The following WBP1L variants were observed in gnomAD, a reference collection of about 807,000 sequenced individuals.
WBP1L encodes the protein WW domain binding protein 1-like.
Under a neutral mutation model 33.7 loss-of-function variants are expected in WBP1L, and 17 were observed. That is an observed-to-expected ratio of 0.50 (90% CI 0.34 to 0.76). The LOEUF (loss-of-function observed/expected upper bound fraction) is 0.76. WBP1L is among the 30% of genes least tolerant of loss of function. WBP1L has a pLI of 0.01. For synonymous variants in WBP1L, 173 were observed against 190.8 expected (o/e 0.91, Z 0.77); for missense variants, 389 against 469.4 (o/e 0.83, Z 1.58).
rs539324809 is a variant in WBP1L, at chr10:102,758,165, G to A, written c.90+14022G>A. Among the ~76,000 whole-genome samples, 4 of 151,908 alleles carry A rather than the reference G, an allele frequency of 2.6e-5. No homozygotes were observed. The South Asian group carries it at 8.3e-4, about 32-fold the overall frequency. On this transcript the variant is annotated intron_variant, in intron 1 of 3. Transcript: ENST00000448841. ...CTCCCAAAGTACTGGGATTACAGGC[G>A]TGAGCCACCATGCACAGCCCTTTTT...
intron 1 of WBP1L, among the ~76,000 whole-genome samples, chr10:102,791,317 A>G (rs1843494202): frequency 6.6e-6 from 1 of 151,880 alleles, no homozygotes; most frequent in East Asian, 1.9e-4. Flanking sequence ...CCAGGGTTTT[A>G]TAGCAGAATA....
At chr10:102,782,722 A>T (rs1351115017) in intron 1 of WBP1L, among the ~76,000 whole-genome samples, 1 of 152,038 alleles carries the variant, frequency 6.6e-6, no homozygotes, top group Admixed American at 6.6e-5. Flanking sequence ...AGAGGCTTCT[A>T]TTGCTGGTTG....
chr10:102,784,421 C>CTTTTTT (rs35898015), intron 1 of WBP1L, among the ~76,000 whole-genome samples: 81 of 97,774 alleles, frequency 8.3e-4, no homozygotes, highest in Non-Finnish European at 1.0e-3. Context: ...GTTCTTGTTT[C>CTTTTTT]TTTTTTTTTT....
Position 102,780,808 on chromosome 10 carries a change from G to T in WBP1L, c.91-17185G>T, listed in dbSNP as rs674816. 4.4e-3 allele frequency among the ~76,000 whole-genome samples: 671 copies of T among 152,132 alleles called. 4 individuals are homozygous for T. The highest frequency in any genetic ancestry group is 8.1e-3 in the Non-Finnish European group (550 of 67,976). Reference sequence around the variant, plus strand: ...CAGTAGTATCAGTTGTTGCACTATAGGTGCTAGGTGTGTGGAAGGACCAGT... The same window carrying T: ...CAGTAGTATCAGTTGTTGCACTATATGTGCTAGGTGTGTGGAAGGACCAGT... On this transcript the variant is annotated intron_variant, in intron 1 of 3. Transcript: ENST00000448841.
intron 1 of WBP1L, among the ~76,000 whole-genome samples, chr10:102,755,767 C>T (rs1392252400): frequency 2.7e-5 from 4 of 150,298 alleles, no homozygotes; most frequent in Admixed American, 6.7e-5. Context: ...AAATGTTGGC[C>T]GGGCGCGGTG....
chr10:102,771,274 C>T (rs1037577143), intron 1 of WBP1L, among the ~76,000 whole-genome samples: 2 of 152,090 alleles, frequency 1.3e-5, no homozygotes, highest in Non-Finnish European at 2.9e-5. Flanking sequence ...TAAATTAATC[C>T]GGTACGGCAC....
At chr10:102,744,715 A>G (rs1029273891) in intron 1 of WBP1L, among the ~76,000 whole-genome samples, 6 of 152,186 alleles carry the variant, frequency 3.9e-5, no homozygotes, top group African/African-American at 1.4e-4. Context: ...GGCAGGTGGG[A>G]TGAAACAGAG....
At chr10:102,808,641 C>T (rs1203084077) in intron 2 of WBP1L, among the ~76,000 whole-genome samples, 3 of 152,164 alleles carry the variant, frequency 2.0e-5, no homozygotes, top group South Asian at 2.1e-4. Context: ...AGGATTATGT[C>T]GAGAGCAGAG....
chr10:102,766,704 G>T (rs1372673281), intron 1 of WBP1L, among the ~76,000 whole-genome samples: 1 of 151,260 alleles, frequency 6.6e-6, no homozygotes, highest in Admixed American at 6.6e-5. Context: ...ATGGTGGCAC[G>T]AGCCTGTAGT....
At chr10:102,745,873 A>T (rs1032595229) in intron 1 of WBP1L, among the ~76,000 whole-genome samples, 1 of 151,996 alleles carries the variant, frequency 6.6e-6, no homozygotes, top group African/African-American at 2.4e-5. Flanking sequence ...GAAGAAATAT[A>T]TTTTTTTTGT....
chr10:102,802,064 C>T (rs1325960351), intron 2 of WBP1L, among the ~76,000 whole-genome samples: 1 of 86,116 alleles, frequency 1.2e-5, no homozygotes, highest in Admixed American at 1.2e-4. Flanking sequence ...CCTCCCCTAC[C>T]CTTCCCCCAG....
intron 2 of WBP1L, among the ~76,000 whole-genome samples, chr10:102,807,030 C>A (rs1433935053): frequency 6.6e-6 from 1 of 151,918 alleles, no homozygotes; most frequent in African/African-American, 2.4e-5. Context: ...CTTGATTTAA[C>A]TCATTCTGAC....
At position 102,816,254 on chromosome 10, in the gene WBP1L, TC is replaced by T. The variant is rs1270425961; in HGVS notation, c.*2926del. ...TGTGAGAAGCCCAAATAAAAATTGA[TC>T]CCAAAAATGCTACTGCTCTTTCTTG... On this transcript the variant is annotated 3_prime_UTR_variant, in exon 4 of 4. Transcript: ENST00000448841. The T allele has an allele frequency of 6.6e-6, 1 of 152,552 alleles. No homozygotes were observed. Among genetic ancestry groups the T allele is most frequent in the African/African-American group, 2.4e-5 (1 of 41,404 alleles). The allele number at this position is 152,552 out of a possible 1,614,324, so 9.4% of individuals were successfully genotyped here.
intron 1 of WBP1L, among the ~76,000 whole-genome samples, chr10:102,772,925 CTT>C (rs58706105): frequency 2.0e-4 from 28 of 138,896 alleles, no homozygotes; most frequent in Admixed American, 3.6e-4. Context: ...GTATGACTTC[CTT>C]TTTTTTTTTT....
At chr10:102,759,318 C>T (rs886827299) in intron 1 of WBP1L, among the ~76,000 whole-genome samples, 4 of 152,208 alleles carry the variant, frequency 2.6e-5, no homozygotes, top group Admixed American at 6.5e-5. Flanking sequence ...GACCCTATAC[C>T]TGCCGGTTAT....
chr10:102,809,593 G>A (rs370120874), intron 2 of WBP1L, among the ~76,000 whole-genome samples: 27 of 151,950 alleles, frequency 1.8e-4, no homozygotes, highest in Middle Eastern at 3.2e-3. Context: ...GGCTGGTCTC[G>A]AACTCCTGAC....
At chr10:102,770,201 T>C (rs1843169213) in intron 1 of WBP1L, among the ~76,000 whole-genome samples, 1 of 152,244 alleles carries the variant, frequency 6.6e-6, no homozygotes, top group African/African-American at 2.4e-5. Flanking sequence ...GTTTAACTTT[T>C]GTTGTGACAC....
At chr10:102,747,411 T>G (rs1280802981) in intron 1 of WBP1L, among the ~76,000 whole-genome samples, 2 of 151,606 alleles carry the variant, frequency 1.3e-5, no homozygotes, top group South Asian at 4.2e-4. Flanking sequence ...CTCCAAATAG[T>G]AAGGCTCCGA....
rs1843934987 is a variant in WBP1L at position 102,815,928 on chromosome 10, TG to T, written c.*2598del. Reference sequence around the variant, plus strand: ...CAGTTTGGCCCCCGCTACAGGATGCTGCCCTGCTCAGAGAGAGATTTAATAG... The same window carrying T: ...CAGTTTGGCCCCCGCTACAGGATGCTCCCTGCTCAGAGAGAGATTTAATAG... On this transcript the variant is annotated 3_prime_UTR_variant, in exon 4 of 4. Coordinates refer to ENST00000448841, the MANE Select transcript of WBP1L (RefSeq NM_001083913.2). The T allele has an allele frequency of 1.3e-5, 2 of 152,584 alleles. No individual in the cohort carries two copies. Among genetic ancestry groups the T allele is most frequent in the African/African-American group, 4.8e-5 (2 of 41,440 alleles). The allele number at this position is 152,584 out of a possible 1,614,324, so 9.5% of individuals were successfully genotyped here.
Sources: gnomAD v4.1 joint callset for allele counts (sites outside exome capture counted in the v4.1 genomes callset) on GRCh38, gnomAD v4.1.1 for gene constraint, MANE v1.5 for transcripts, NCBI Gene and HGNC (gene_info 2026-07-23, HGNC 2026-07-21) for gene names.